The following SLC36A1 variants were observed in gnomAD, a reference collection of about 807,000 sequenced individuals.
The protein encoded by SLC36A1 is solute carrier family 36 member 1, also known as proton-coupled amino acid transporter 1.
SLC36A1 carries 30 observed loss-of-function variants against 47.5 expected under a neutral mutation model. That is an observed-to-expected ratio of 0.63 (90% CI 0.47 to 0.86). The LOEUF is 0.86. Among genes scored for constraint, SLC36A1 ranks in the 40% least tolerant of loss-of-function variants. The pLI is 0.00. For missense variants in SLC36A1, 517 were observed against 606.0 expected (o/e 0.85, Z 1.54); for synonymous variants, 255 against 249.7 (o/e 1.02, Z -0.20).
chr5:151,383,306 G>A, the SLC36A1 span, among the ~76,000 whole-genome samples: 4 of 152,134 alleles, frequency 2.6e-5, no homozygotes, highest in Admixed American at 6.5e-5. Context: ...TTTCCAGGCC[G>A]GGGGTGGAGT....
the SLC36A1 span, chr5:151,380,893 G>C: frequency 0.44 from 184,038 of 418,102 alleles, 43,973 homozygotes; most frequent in African/African-American, 0.75. Context: ...TCCAAGGGAC[G>C]GGGCTGCACC....
At chr5:151,487,519 C>T (rs1377481134) in intron 10 of SLC36A1, among the ~76,000 whole-genome samples, 3 of 152,118 alleles carry the variant, frequency 2.0e-5, no homozygotes, top group Non-Finnish European at 2.9e-5. Flanking sequence ...TTCCAGAAGG[C>T]GGGGTTTCTT....
the SLC36A1 span, among the ~76,000 whole-genome samples, chr5:151,537,246 AAGG>A: frequency 5.3e-5 from 8 of 151,346 alleles, no homozygotes; most frequent in East Asian, 1.9e-4. Flanking sequence ...GAAGAAGAAA[AAGG>A]AGAATAATAA....
chr5:151,382,025 G>A, the SLC36A1 span: 18 of 641,588 alleles, frequency 2.8e-5, no homozygotes, highest in Non-Finnish European at 4.2e-5. Context: ...TGCCCAGCCC[G>A]GGAGCTCTCC....
downstream of SLC36A1, among the ~76,000 whole-genome samples, chr5:151,493,277 C>T (rs948675732): frequency 3.3e-5 from 5 of 152,164 alleles, no homozygotes; most frequent in African/African-American, 1.2e-4. Flanking sequence ...CATACAATCA[C>T]TTCTGCGGCA....
rs79267193 is a variant in SLC36A1, at chr5:151,449,618, A to G, written c.-6+1805A>G. Reference sequence around the variant, plus strand: ...AGGCGGTGTAAGAAAAAGGGATTCCATTTATTTTATAATATTCTGGAGACT... The same window carrying G: ...AGGCGGTGTAAGAAAAAGGGATTCCGTTTATTTTATAATATTCTGGAGACT... On this transcript the variant is annotated intron_variant, in intron 1 of 10. Coordinates refer to ENST00000243389, the MANE Select transcript of SLC36A1 (RefSeq NM_078483.4). Among the ~76,000 whole-genome samples, 1,650 of 152,328 alleles carry G rather than the reference A, an allele frequency of 0.011. 67 individuals are homozygous for G. The East Asian group carries it at 0.14, about 13-fold the overall frequency.
chr5:151,469,496 T>C (rs1370138202), intron 7 of SLC36A1, among the ~76,000 whole-genome samples: 3 of 152,224 alleles, frequency 2.0e-5, no homozygotes, highest in Non-Finnish European at 4.4e-5. Context: ...ACTCAGTGGC[T>C]ATCAGGCCAT....
chr5:151,347,950 A>G, the SLC36A1 span, among the ~76,000 whole-genome samples: 10 of 152,332 alleles, frequency 6.6e-5, no homozygotes, highest in African/African-American at 1.7e-4. Flanking sequence ...CAATTTGTCA[A>G]GGTTTTCAAC....
chr5:151,517,525 G>A, the SLC36A1 span: 4 of 1,450,544 alleles, frequency 2.8e-6, no homozygotes, highest in African/African-American at 2.8e-5. Context: ...GATTTCTTTG[G>A]CAGAAATGGG....
intron 1 of SLC36A1, among the ~76,000 whole-genome samples, chr5:151,457,768 G>T (rs1213701580): frequency 6.6e-6 from 1 of 152,120 alleles, no homozygotes; most frequent in Admixed American, 6.5e-5. Context: ...AGAACGGCAT[G>T]TGTGGCTCTG....
chr5:151,472,681 GAAGAA>G (rs1271488259), intron 7 of SLC36A1, among the ~76,000 whole-genome samples: 1 of 152,148 alleles, frequency 6.6e-6, no homozygotes, highest in Non-Finnish European at 1.5e-5. Flanking sequence ...TTAAAAAGGA[GAAGAA>G]AAGAAGAGGA....
At chr5:151,366,559 TC>T in the SLC36A1 span, 1 of 238,636 alleles carries the variant, frequency 4.2e-6, no homozygotes, top group Non-Finnish European at 8.6e-6. Context: ...GGTAGTCATC[TC>T]CAGGAGGCAC....
chr5:151,501,442 G>A, the SLC36A1 span, among the ~76,000 whole-genome samples: 1 of 148,708 alleles, frequency 6.7e-6, no homozygotes, highest in Non-Finnish European at 1.5e-5. Flanking sequence ...GACTAAGGGT[G>A]CGCTGTGGAG....
intron 10 of SLC36A1, among the ~76,000 whole-genome samples, chr5:151,487,121 C>T (rs1000441373): frequency 6.6e-6 from 1 of 152,224 alleles, no homozygotes. Flanking sequence ...GTTCCAGAGC[C>T]CACAGGCCTC....
At chr5:151,473,817 G>C in intron 8 of SLC36A1, 46 bp downstream of exon 8, 1 of 1,398,588 alleles carries the variant, frequency 7.2e-7, no homozygotes, top group African/African-American at 1.4e-5. Flanking sequence ...TGGTGCCCTT[G>C]GTGTTCTCCA....
chr5:151,521,727 C>T, the SLC36A1 span: 1 of 1,613,892 alleles, frequency 6.2e-7, no homozygotes, highest in African/African-American at 1.3e-5. Context: ...CCTCCTGCCC[C>T]ACATGCCACA....
chr5:151,440,431 C>A, intron 1 of SLC36A1, among the ~76,000 whole-genome samples: 1 of 151,960 alleles, frequency 6.6e-6, no homozygotes. Flanking sequence ...ACAGTAGGGC[C>A]ATCAGTCACA....
the SLC36A1 span, chr5:151,521,408 C>T: frequency 6.2e-7 from 1 of 1,614,184 alleles, no homozygotes; most frequent in Non-Finnish European, 8.5e-7. Flanking sequence ...CAGGTTGGCC[C>T]CTGGCAGGGC....
the SLC36A1 span, among the ~76,000 whole-genome samples, chr5:151,368,474 G>A: frequency 6.6e-6 from 1 of 152,212 alleles, no homozygotes; most frequent in Non-Finnish European, 1.5e-5. Flanking sequence ...GAAGTGGGAT[G>A]CAAAGTGACT....
Sources: gnomAD v4.1 joint callset for allele counts (sites outside exome capture counted in the v4.1 genomes callset) on GRCh38, gnomAD v4.1.1 for gene constraint, MANE v1.5 for transcripts, NCBI Gene and HGNC (gene_info 2026-07-23, HGNC 2026-07-21) for gene names.